The following PRPS2 variants were observed in gnomAD, a reference collection of about 807,000 sequenced individuals.
PRPS2 encodes ribose-phosphate pyrophosphokinase 2.
For synonymous variants in PRPS2, 111 were observed against 115.3 expected, an observed-to-expected ratio of 0.96 and a Z score of 0.24; for missense variants, 104 against 271.5, an observed-to-expected ratio of 0.38 and a Z score of 4.34.
chrX:12,816,879 T>G (rs1395643219), intron 4 of PRPS2, among the ~76,000 whole-genome samples: 1 of 111,725 alleles, frequency 9.0e-6, no homozygotes, highest in African/African-American at 3.3e-5. Flanking sequence ...AAGGCAGTTT[T>G]GCTGAGTATA....
In PRPS2 at chrX:12,799,294, C is replaced by T. The variant is rs138411334; in HGVS notation, c.210C>T (p.Leu70=). The part of the protein sequence containing the change: ...CGEINDNLME[L]LIMINACKIA... ...AAATTAACGACAACCTGATGGAACT[C>T]CTCATCATGATCAATGCCTGCAAGA... The change falls in exon 2 of 7, where the codon CTC becomes CTT. Residue 70 remains leucine, a synonymous_variant. Transcript: ENST00000380668. 9.9e-6 allele frequency: 12 copies of T among 1,209,563 alleles called. No homozygotes were observed. In the South Asian group the frequency reaches 2.1e-4, roughly 21 times the overall value.
chrX:12,809,397 C>G, intron 3 of PRPS2, 65 bp downstream of exon 3: 2 of 1,055,075 alleles, frequency 1.9e-6, no homozygotes, highest in Non-Finnish European at 2.6e-6. Context: ...TCTTAGGTAA[C>G]ATTACTTGTG....
intron 4 of PRPS2, among the ~76,000 whole-genome samples, chrX:12,817,579 G>GACTC (rs759726859): frequency 1.8e-5 from 2 of 110,150 alleles, no homozygotes; most frequent in South Asian, 7.8e-4. Context: ...TGAAGACAGG[G>GACTC]ACTCAAACAG....
chrX:12,812,500 G>A (rs370159091), intron 4 of PRPS2, among the ~76,000 whole-genome samples: 2 of 111,179 alleles, frequency 1.8e-5, no homozygotes, highest in African/African-American at 3.3e-5. Flanking sequence ...GGTGGTGCAC[G>A]CCTGTAATTC....
intron 1 of PRPS2, among the ~76,000 whole-genome samples, chrX:12,792,912 A>T (rs2042526757): frequency 8.9e-6 from 1 of 112,477 alleles, no homozygotes; most frequent in Admixed American, 9.4e-5. Flanking sequence ...TTTTTAGGAT[A>T]TGTGAATCTT....
Position 12,808,112 on chromosome X carries a change from C to T in PRPS2, c.307-1122C>T, listed in dbSNP as rs1378038793. On this transcript the variant is annotated intron_variant, in intron 2 of 6. Transcript: ENST00000380668. ...TGGATCTTCTGATCTCGTGATCCGC[C>T]CACCTCGGCCTCCCAAAGTGCTGAG... is the stretch of plus-strand genomic sequence containing the variant. Among the ~76,000 whole-genome samples, 27 of 111,059 alleles carry T rather than the reference C, an allele frequency of 2.4e-4. No individual in the cohort carries two copies. In the Admixed American group the frequency reaches 2.6e-3, roughly 11 times the overall value.
At chrX:12,810,596 G>A (rs1173594862) in intron 4 of PRPS2, among the ~76,000 whole-genome samples, 3 of 111,310 alleles carry the variant, frequency 2.7e-5, no homozygotes, top group African/African-American at 6.5e-5. Context: ...AAGCAGAGGC[G>A]GAAAGCCATG....
chrX:12,803,844 A>G (rs755496207), intron 2 of PRPS2, among the ~76,000 whole-genome samples: 1 of 111,991 alleles, frequency 8.9e-6, no homozygotes, highest in African/African-American at 3.2e-5. Context: ...GAGCTTTGAG[A>G]TAGTACATAT....
At position 12,799,457 on chromosome X, in the gene PRPS2, C is replaced by A. The variant is rs189332209; in HGVS notation, c.306+67C>A. The A allele has an allele frequency of 4.2e-3, 4,318 of 1,040,313 alleles. 8 individuals carry two copies. The highest frequency in any genetic ancestry group is 5.0e-3 in the Non-Finnish European group (3,846 of 772,764). The allele number at this position is 1,040,313 out of a possible 1,213,427, so 85.7% of individuals were successfully genotyped here. ...GTCAATGTTGTTTTTCCTCATTTAT[C>A]CCCTTGATTAGAATTATCTGGAAAA... is the stretch of plus-strand genomic sequence containing the variant. On this transcript the variant is annotated intron_variant, in intron 2 of 6. Transcript: ENST00000380668.
At chrX:12,796,383 G>T (rs2042543903) in intron 1 of PRPS2, among the ~76,000 whole-genome samples, 1 of 110,053 alleles carries the variant, frequency 9.1e-6, no homozygotes, top group Admixed American at 9.7e-5. Flanking sequence ...ACCACACCTG[G>T]CTAATTTTGT....
intron 4 of PRPS2, among the ~76,000 whole-genome samples, chrX:12,812,107 A>T (rs1356736982): frequency 8.9e-6 from 1 of 112,156 alleles, no homozygotes; most frequent in East Asian, 2.8e-4. Flanking sequence ...AATGACGCTG[A>T]GAGTCCTCTG....
At chrX:12,793,305 C>T (rs1403911167) in intron 1 of PRPS2, among the ~76,000 whole-genome samples, 2 of 112,702 alleles carry the variant, frequency 1.8e-5, no homozygotes, top group Admixed American at 1.9e-4. Context: ...TAGATCAGTT[C>T]ACTGCTAAGT....
chrX:12,801,298 A>G (rs1420188906), intron 2 of PRPS2, among the ~76,000 whole-genome samples: 3 of 109,189 alleles, frequency 2.7e-5, no homozygotes, highest in Non-Finnish European at 5.7e-5. Flanking sequence ...TGGGCAGCCA[A>G]AACCTTAGGT....
intron 6 of PRPS2, among the ~76,000 whole-genome samples, chrX:12,822,431 A>T (rs554258060): frequency 3.6e-5 from 4 of 112,235 alleles, no homozygotes; most frequent in Non-Finnish European, 7.5e-5. Context: ...CTGGAAAAGG[A>T]TGTCTCTGGT....
chrX:12,799,461 T>TA, intron 2 of PRPS2, 71 bp downstream of exon 2: 1 of 1,017,063 alleles, frequency 9.8e-7, no homozygotes, highest in South Asian at 2.6e-5. Context: ...ATTTATCCCC[T>TA]TGATTAGAAT....
chrX:12,797,741 C>T (rs957714817), intron 1 of PRPS2, among the ~76,000 whole-genome samples: 2 of 112,330 alleles, frequency 1.8e-5, no homozygotes, highest in Non-Finnish European at 3.8e-5. Flanking sequence ...GCACACAGCA[C>T]TATTTTCTGT....
chrX:12,795,546 G>C lies in PRPS2; in HGVS notation c.123-3661G>C, dbSNP rs150369123. Among the ~76,000 whole-genome samples, 6 of 112,080 alleles carry C rather than the reference G, an allele frequency of 5.4e-5. No homozygotes were observed. The East Asian group carries it at 1.7e-3, about 31-fold the overall frequency. Reference sequence around the variant, plus strand: ...ATACTGAGGGGCTGGCATCTGGCAAGGGCTTTCTTGCTGCATCATCCCATG... The same window carrying C: ...ATACTGAGGGGCTGGCATCTGGCAACGGCTTTCTTGCTGCATCATCCCATG... On this transcript the variant is annotated intron_variant, in intron 1 of 6. Coordinates refer to ENST00000380668, the MANE Select transcript of PRPS2 (RefSeq NM_002765.5).
At chrX:12,819,312 G>T (rs1231688005) in intron 4 of PRPS2, among the ~76,000 whole-genome samples, 195 bp from the exon 5 acceptor site, 1 of 112,170 alleles carries the variant, frequency 8.9e-6, no homozygotes, top group Non-Finnish European at 1.9e-5. Context: ...TGCCCCAATT[G>T]CAAGGTCCGC....
chrX:12,796,450 C>G (rs144449929), intron 1 of PRPS2, among the ~76,000 whole-genome samples: 4 of 111,022 alleles, frequency 3.6e-5, no homozygotes, highest in Non-Finnish European at 7.5e-5. Context: ...CTCCAGACCT[C>G]AGGTGATCAG....
Sources: gnomAD v4.1 joint callset for allele counts (sites outside exome capture counted in the v4.1 genomes callset) on GRCh38, gnomAD v4.1.1 for gene constraint, MANE v1.5 for transcripts, NCBI Gene and HGNC (gene_info 2026-07-23, HGNC 2026-07-21) for gene names.